The following UBE2L3 variants were observed in gnomAD, a reference collection of about 807,000 sequenced individuals.
The protein encoded by UBE2L3 is ubiquitin conjugating enzyme E2 L3, also known as ubiquitin-conjugating enzyme E2 L3.
Under a neutral mutation model 17.8 loss-of-function variants are expected in UBE2L3, and 1 was observed. The observed-to-expected ratio is 0.06, with a 90% CI of 0.02 to 0.27. UBE2L3 has a LOEUF of 0.27. UBE2L3 is among the 10% of genes least tolerant of loss of function. The pLI is 1.00. For missense variants in UBE2L3, 40 were observed against 192.6 expected (o/e 0.21, Z 4.69); for synonymous variants, 44 against 68.5 (o/e 0.64, Z 1.76).
chr22:21,585,918 G>T (rs368315267), intron 1 of UBE2L3, among the ~76,000 whole-genome samples: 29 of 152,030 alleles, frequency 1.9e-4, no homozygotes, highest in African/African-American at 6.8e-4. Flanking sequence ...GGGTCGTCTA[G>T]TGCTGTTGGA....
At chr22:21,557,201 T>A (rs995883628) in intron 1 of UBE2L3, among the ~76,000 whole-genome samples, 1 of 152,214 alleles carries the variant, frequency 6.6e-6, no homozygotes, top group African/African-American at 2.4e-5. Flanking sequence ...TGCATCTCTA[T>A]AAAAAAATTA....
intron 1 of UBE2L3, among the ~76,000 whole-genome samples, chr22:21,573,789 G>A (rs556497841): frequency 1.3e-5 from 2 of 152,238 alleles, no homozygotes; most frequent in African/African-American, 4.8e-5. Context: ...GTGCCGTCCC[G>A]CTTTGGGTTT....
intron 2 of UBE2L3, among the ~76,000 whole-genome samples, chr22:21,608,298 G>T (rs1482338174): frequency 6.6e-6 from 1 of 152,148 alleles, no homozygotes; most frequent in African/African-American, 2.4e-5. Flanking sequence ...TGCCCAAAAT[G>T]GAGTGCAGAA....
intron 1 of UBE2L3, among the ~76,000 whole-genome samples, chr22:21,578,112 C>G (rs1355105080): frequency 6.6e-6 from 1 of 152,024 alleles, no homozygotes; most frequent in African/African-American, 2.4e-5. Flanking sequence ...AATCTCAGCA[C>G]TTTGGGAGGC....
intron 2 of UBE2L3, among the ~76,000 whole-genome samples, chr22:21,604,110 A>G (rs1929020250): frequency 1.3e-5 from 2 of 152,078 alleles, no homozygotes; most frequent in African/African-American, 4.8e-5. Flanking sequence ...TTTACATCTC[A>G]AATGACTTCC....
intron 1 of UBE2L3, among the ~76,000 whole-genome samples, chr22:21,590,182 C>T (rs1402898428): frequency 6.6e-6 from 1 of 152,070 alleles, no homozygotes; most frequent in Non-Finnish European, 1.5e-5. Context: ...TGTTTATCAT[C>T]CCTACTTTAT....
At chr22:21,604,432 C>T (rs1040333375) in intron 2 of UBE2L3, among the ~76,000 whole-genome samples, 11 of 152,006 alleles carry the variant, frequency 7.2e-5, no homozygotes, top group African/African-American at 1.5e-4. Flanking sequence ...ACCCGGGAGG[C>T]GGAGGTTGCA....
chr22:21,597,935 A>G (rs558834833), intron 2 of UBE2L3, among the ~76,000 whole-genome samples: 6 of 148,814 alleles, frequency 4.0e-5, no homozygotes, highest in African/African-American at 1.5e-4. Context: ...TACTGAAGGC[A>G]TGAGCCACCA....
intron 3 of UBE2L3, 74 bp from the exon 4 acceptor site, chr22:21,621,441 C>T (rs1163961160): frequency 2.3e-5 from 34 of 1,485,758 alleles, no homozygotes; most frequent in Admixed American, 5.1e-5. Context: ...GTTTTGTTCC[C>T]GGATTAGCTG....
chr22:21,617,188 A>G (rs1387667281), intron 3 of UBE2L3, among the ~76,000 whole-genome samples: 2 of 151,050 alleles, frequency 1.3e-5, no homozygotes, highest in Non-Finnish European at 3.0e-5. Flanking sequence ...GGAAGGAAAT[A>G]TTATAGGCTT....
At chr22:21,614,705 C>T (rs1929675605) in intron 3 of UBE2L3, 1 of 1,260,048 alleles carries the variant, frequency 7.9e-7, no homozygotes, top group South Asian at 1.2e-5. Flanking sequence ...AAAAGATGCT[C>T]ATATGACCCA....
In UBE2L3 at chr22:21,612,623, C is replaced by T. The variant is rs1205205264; in HGVS notation, c.310+1580C>T. Among the ~76,000 whole-genome samples, 3 of 134,706 alleles carry T rather than the reference C, an allele frequency of 2.2e-5. No individual in the cohort carries two copies. The Admixed American group carries it at 2.5e-4, about 11-fold the overall frequency. The allele number at this position is 134,706 out of a possible 152,430, so 88.4% of individuals were successfully genotyped here. ...TACAGGCGTAAGCCACCGCACCCAG[C>T]CGATTTTTTCTTTTCTTTTCTTTTT... On this transcript the variant is annotated intron_variant, in intron 3 of 3. Transcript: ENST00000342192.
intron 3 of UBE2L3, 28 bp from the exon 4 acceptor site, chr22:21,621,487 C>A (rs768322849): frequency 6.3e-7 from 1 of 1,575,608 alleles, no homozygotes; most frequent in South Asian, 1.2e-5. Context: ...CTGTGTTAAC[C>A]CCCCATGCCT....
intron 3 of UBE2L3, among the ~76,000 whole-genome samples, chr22:21,615,224 G>T (rs1028291318): frequency 2.0e-5 from 3 of 151,870 alleles, no homozygotes; most frequent in African/African-American, 7.3e-5. Flanking sequence ...GCCATAAAAA[G>T]CAATGAAGTA....
chr22:21,617,090 G>A (rs867802870), intron 3 of UBE2L3, among the ~76,000 whole-genome samples: 27 of 146,412 alleles, frequency 1.8e-4, no homozygotes, highest in Admixed American at 6.2e-4. Flanking sequence ...GGCACCTGTA[G>A]TCCCAGCTGC....
chr22:21,576,801 CTT>C (rs757829734), intron 1 of UBE2L3, among the ~76,000 whole-genome samples: 8 of 118,126 alleles, frequency 6.8e-5, no homozygotes, highest in Non-Finnish European at 1.0e-4. Context: ...CTTCTCTTTC[CTT>C]TTTTTTTTTT....
intron 1 of UBE2L3, among the ~76,000 whole-genome samples, chr22:21,584,854 A>T (rs1442534165): frequency 6.6e-6 from 1 of 152,094 alleles, no homozygotes; most frequent in Non-Finnish European, 1.5e-5. Context: ...CCAGCTACTC[A>T]GGAGGCTGAG....
At chr22:21,611,955 C>A (rs139076551) in intron 3 of UBE2L3, among the ~76,000 whole-genome samples, 1 of 152,116 alleles carries the variant, frequency 6.6e-6, no homozygotes, top group Non-Finnish European at 1.5e-5. Flanking sequence ...CCAGATCAGA[C>A]GGAGTCCAGA....
chr22:21,614,551 C>G (rs1315232805), intron 3 of UBE2L3: 1 of 1,367,088 alleles, frequency 7.3e-7, no homozygotes, highest in Admixed American at 1.9e-5. Context: ...CTGCCCTTGT[C>G]CTTAGAAACT....
Sources: gnomAD v4.1 joint callset for allele counts (sites outside exome capture counted in the v4.1 genomes callset) on GRCh38, gnomAD v4.1.1 for gene constraint, MANE v1.5 for transcripts, NCBI Gene and HGNC (gene_info 2026-07-23, HGNC 2026-07-21) for gene names.